CNGA3: variants seen among roughly 807,000 people sequenced by gnomAD.
The protein encoded by CNGA3 is cyclic nucleotide gated channel subunit alpha 3, also known as cyclic nucleotide-gated channel alpha-3.
CNGA3 carries 42 observed loss-of-function variants against 46.6 expected under a neutral mutation model. That is an observed-to-expected ratio of 0.90 (90% CI 0.70 to 1.17). The LOEUF (loss-of-function observed/expected upper bound fraction) is 1.17. Ranked by LOEUF, CNGA3 falls within the 50% of genes most tolerant of loss-of-function variation. The pLI, the probability that CNGA3 is intolerant of heterozygous loss-of-function variation, is 0.00. For missense variants in CNGA3, 893 were observed against 890.7 expected (o/e 1.00, Z -0.03); for synonymous variants, 394 against 369.4 (o/e 1.07, Z -0.76).
At chr2:98,393,544 G>C (rs1692840064) in intron 7 of CNGA3, among the ~76,000 whole-genome samples, 1 of 152,208 alleles carries the variant, frequency 6.6e-6, no homozygotes, top group South Asian at 2.1e-4. Context: ...AGATACACAG[G>C]CTGAGGCTTG....
intron 2 of CNGA3, among the ~76,000 whole-genome samples, chr2:98,376,615 G>A (rs1050414210): frequency 2.6e-5 from 4 of 152,258 alleles, no homozygotes; most frequent in East Asian, 1.9e-4. Context: ...CCTGGCCACC[G>A]TGATGCAAGG....
At chr2:98,375,439 C>T (rs1250384178) in intron 2 of CNGA3, among the ~76,000 whole-genome samples, 4 of 152,222 alleles carry the variant, frequency 2.6e-5, no homozygotes, top group Non-Finnish European at 5.9e-5. Context: ...CCCATGCCAG[C>T]TTCTCGAATC....
At chr2:98,361,948 C>G (rs1692043624) in intron 1 of CNGA3, among the ~76,000 whole-genome samples, 1 of 151,952 alleles carries the variant, frequency 6.6e-6, no homozygotes, top group African/African-American at 2.4e-5. Flanking sequence ...GCCTCGTGAT[C>G]CACCTGCCTC....
At position 98,389,730 on chromosome 2, in the gene CNGA3, CA is replaced by C; in HGVS notation, c.523del (p.Ile175SerfsTer26). ...SNLYYRWLTA[I>X]ALPVFYNWYL... is the part of the protein sequence containing the mutation. ...ACCTGTACTACCGCTGGCTGACCGC[CA>C]TCGCCCTGCCTGTCTTCTATAACTG... On this transcript the variant is annotated frameshift_variant, in exon 6 of 8. Coordinates refer to ENST00000272602, the MANE Select transcript of CNGA3 (RefSeq NM_001298.3). LOFTEE classifies it high-confidence loss of function. The C allele has an allele frequency of 6.2e-7, 1 of 1,613,642 alleles. No homozygotes were observed. The highest frequency in any genetic ancestry group is 8.5e-7 in the Non-Finnish European group (1 of 1,180,034).
intron 1 of CNGA3, among the ~76,000 whole-genome samples, chr2:98,361,114 C>G (rs1039999016): frequency 1.3e-5 from 2 of 151,926 alleles, no homozygotes; most frequent in Non-Finnish European, 2.9e-5. Context: ...TTTGCTGCAT[C>G]TATCAACCCA....
At chr2:98,377,642 A>C (rs767065574) in intron 2 of CNGA3, 45 bp from the exon 3 acceptor site, 1 of 1,551,092 alleles carries the variant, frequency 6.4e-7, no homozygotes, top group Non-Finnish European at 8.8e-7. Context: ...CAGGAGGTAG[A>C]TGGGCTTGAA....
chr2:98,396,288 T>C lies in CNGA3; in HGVS notation c.1118T>C (p.Val373Ala). 6.2e-7 allele frequency: 1 copy of C among 1,610,822 alleles called. No individual in the cohort carries two copies. The highest frequency in any genetic ancestry group is 2.2e-5 in the East Asian group (1 of 44,792). ...LTTIGETPPP[V>A]KDEEYLFVVV... ...ACCATTGGTGAGACCCCACCCCCCGTGAAAGATGAGGAGTATCTCTTTGTG... is the reference window on the plus strand; with the variant it reads ...ACCATTGGTGAGACCCCACCCCCCGCGAAAGATGAGGAGTATCTCTTTGTG... The change falls in exon 8 of 8, where the codon GTG becomes GCG. Residue 373 changes from valine (V) to alanine (A), a missense_variant. Physicochemically the swap from Val to Ala is moderately conservative, Grantham distance 64 (BLOSUM62 0). Around this residue, in one of 3 missense-constraint regions of CNGA3, gnomAD observed 548 missense variants for 570.8 expected, o/e 0.96. Transcript: ENST00000272602.
chr2:98,355,005 T>C (rs2106073850), intron 1 of CNGA3, among the ~76,000 whole-genome samples: 1 of 152,348 alleles, frequency 6.6e-6, no homozygotes, highest in East Asian at 1.9e-4. Context: ...GTTTTTAAAT[T>C]ATTTTCACCA....
At chr2:98,365,246 A>G (rs1692121246) in intron 1 of CNGA3, among the ~76,000 whole-genome samples, 1 of 152,224 alleles carries the variant, frequency 6.6e-6, no homozygotes. Flanking sequence ...GTTTGAGACC[A>G]GCCTGGCCAA....
intron 5 of CNGA3, among the ~76,000 whole-genome samples, chr2:98,386,006 A>C (rs929890448): frequency 2.6e-5 from 4 of 152,224 alleles, no homozygotes; most frequent in African/African-American, 9.7e-5. Context: ...CTGGTTACCT[A>C]ACTTCTCTGT....
intron 1 of CNGA3, among the ~76,000 whole-genome samples, chr2:98,366,300 C>T (rs1259198355): frequency 6.6e-6 from 1 of 152,146 alleles, no homozygotes; most frequent in Non-Finnish European, 1.5e-5. Flanking sequence ...CAAAGGGGCG[C>T]TGACCTGATG....
chr2:98,366,456 C>A (rs906364656), intron 1 of CNGA3, among the ~76,000 whole-genome samples: 4 of 152,222 alleles, frequency 2.6e-5, no homozygotes, highest in African/African-American at 9.6e-5. Context: ...GCGGGGGATC[C>A]CACTCATCCA....
chr2:98,379,976 A>C (rs1275915119), intron 3 of CNGA3, 199 bp from the exon 4 acceptor site: 1 of 636,544 alleles, frequency 1.6e-6, no homozygotes, highest in East Asian at 2.7e-5. Flanking sequence ...GAAGGGGATA[A>C]ACGGTCCCCA....
chr2:98,359,506 G>A (rs1244427773), intron 1 of CNGA3, among the ~76,000 whole-genome samples: 2 of 152,184 alleles, frequency 1.3e-5, no homozygotes, highest in Non-Finnish European at 2.9e-5. Flanking sequence ...TAAATCAAAT[G>A]TGCCCACCCT....
At chr2:98,367,212 A>C (rs1481599542) in intron 1 of CNGA3, among the ~76,000 whole-genome samples, 1 of 96,600 alleles carries the variant, frequency 1.0e-5, no homozygotes, top group Admixed American at 1.4e-4. Context: ...ATTGAGACAG[A>C]GTCTCACTGT....
At chr2:98,386,317 A>G (rs1404879125) in intron 5 of CNGA3, among the ~76,000 whole-genome samples, 3 of 152,164 alleles carry the variant, frequency 2.0e-5, no homozygotes. Flanking sequence ...TCCCCACCCA[A>G]ATCTCATCTT....
At chr2:98,349,818 T>C (rs923912903) in intron 1 of CNGA3, among the ~76,000 whole-genome samples, 2 of 152,186 alleles carry the variant, frequency 1.3e-5, no homozygotes, top group Non-Finnish European at 2.9e-5. Flanking sequence ...CTGTGACTGA[T>C]GCTGGATCTG....
intron 2 of CNGA3, among the ~76,000 whole-genome samples, chr2:98,374,833 C>T (rs989666882): frequency 1.3e-5 from 2 of 152,198 alleles, no homozygotes; most frequent in African/African-American, 4.8e-5. Flanking sequence ...AAAAATGGGC[C>T]CCCCCATCAG....
intron 1 of CNGA3, among the ~76,000 whole-genome samples, chr2:98,361,950 A>C (rs1254159630): frequency 6.6e-6 from 1 of 151,412 alleles, no homozygotes; most frequent in East Asian, 1.9e-4. Flanking sequence ...CTCGTGATCC[A>C]CCTGCCTCGG....
Sources: allele counts gnomAD v4.1 joint callset (sites outside exome capture counted in the v4.1 genomes callset), GRCh38; gene constraint gnomAD v4.1.1; regional missense constraint gnomAD v4.1.1; transcripts MANE v1.5; gene names NCBI Gene and HGNC (gene_info 2026-07-23, HGNC 2026-07-21).